CDH2: variants seen among roughly 807,000 people sequenced by gnomAD.
CDH2 encodes the protein cadherin 2, also known as cadherin-2.
Under a neutral mutation model 92.0 loss-of-function variants are expected in CDH2, and 17 were observed. The observed-to-expected ratio is 0.18, with a 90% confidence interval of 0.13 to 0.28. CDH2 has a LOEUF of 0.28. CDH2 is among the 10% of genes least tolerant of loss of function. The pLI is 1.00. For missense variants in CDH2, 862 were observed against 1,133.1 expected (o/e 0.76, Z 3.44); for synonymous variants, 419 against 415.9 (o/e 1.01, Z -0.09).
At chr18:28,055,347 G>T (rs1360077284) in intron 2 of CDH2, among the ~76,000 whole-genome samples, 1 of 152,092 alleles carries the variant, frequency 6.6e-6, no homozygotes, top group African/African-American at 2.4e-5. Context: ...TTTGGGTGGG[G>T]ACACAGCCAA....
chr18:28,009,186 T>C (rs1394838688), intron 5 of CDH2, among the ~76,000 whole-genome samples: 2 of 152,150 alleles, frequency 1.3e-5, no homozygotes, highest in African/African-American at 4.8e-5. Context: ...TGTTATACTA[T>C]GGGAAAATTA....
At chr18:28,164,589 T>C (rs2016352023) in intron 1 of CDH2, among the ~76,000 whole-genome samples, 1 of 152,002 alleles carries the variant, frequency 6.6e-6, no homozygotes, top group Non-Finnish European at 1.5e-5. Flanking sequence ...CTCTACAGGG[T>C]TGTCATCATC....
intron 2 of CDH2, among the ~76,000 whole-genome samples, chr18:28,030,620 C>A (rs559408630): frequency 6.6e-6 from 1 of 151,998 alleles, no homozygotes; most frequent in Non-Finnish European, 1.5e-5. Context: ...GAAGTTCAGC[C>A]TTTGCAGGGT....
At chr18:28,153,105 A>G (rs898799526) in intron 1 of CDH2, among the ~76,000 whole-genome samples, 5 of 152,198 alleles carry the variant, frequency 3.3e-5, no homozygotes, top group African/African-American at 4.8e-5. Flanking sequence ...GGAAGACTCC[A>G]TAGCTGAAGT....
At chr18:28,161,863 G>T (rs1340194468) in intron 1 of CDH2, among the ~76,000 whole-genome samples, 1 of 152,124 alleles carries the variant, frequency 6.6e-6, no homozygotes, top group African/African-American at 2.4e-5. Flanking sequence ...TGGGCATACA[G>T]AACCCAGGCT....
chr18:28,160,975 T>A (rs2144353323), intron 1 of CDH2, among the ~76,000 whole-genome samples: 1 of 152,318 alleles, frequency 6.6e-6, no homozygotes, highest in African/African-American at 2.4e-5. Context: ...GGTGCCTTTT[T>A]TCTCATCTAG....
At position 27,955,761 on chromosome 18, in the gene CDH2, G is replaced by GTTTTTTT. The variant is rs5823568; in HGVS notation, c.2515-3409_2515-3403dup. Among the ~76,000 whole-genome samples, 19 of 111,706 alleles carry GTTTTTTT rather than the reference G, an allele frequency of 1.7e-4. 3 individuals are homozygous for GTTTTTTT. Among genetic ancestry groups the GTTTTTTT allele is most frequent in the South Asian group, 6.7e-4 (2 of 3,000 alleles). The allele number at this position is 111,706 out of a possible 152,430, so 73.3% of individuals were successfully genotyped here. A position where few individuals can be genotyped will look rare whatever the true frequency, so the allele number is the denominator to read the frequency against. Reference sequence around the variant, plus strand: ...ACAAATCTCTGTTTTCTTTATTTCTGTTTTTTTTTTTTTTTTTTTAAAGAG... The same window carrying GTTTTTTT: ...ACAAATCTCTGTTTTCTTTATTTCTGTTTTTTTTTTTTTTTTTTTTTTTTTTAAAGAG... On this transcript the variant is annotated intron_variant, in intron 15 of 15. Transcript: ENST00000269141.
At chr18:27,943,354 C>T (rs1006182751) in intron 6 of CDH2, among the ~76,000 whole-genome samples, 1 of 152,162 alleles carries the variant, frequency 6.6e-6, no homozygotes, top group Admixed American at 6.5e-5. Flanking sequence ...AGCCACATAA[C>T]TTCTCCTAAT....
chr18:28,105,215 A>C (rs2144242045), intron 2 of CDH2, among the ~76,000 whole-genome samples: 1 of 152,290 alleles, frequency 6.6e-6, no homozygotes. Context: ...AAAGTTCATA[A>C]ATATTCCATA....
intron 2 of CDH2, among the ~76,000 whole-genome samples, chr18:28,048,985 A>G (rs984869136): frequency 1.3e-5 from 2 of 152,138 alleles, no homozygotes; most frequent in African/African-American, 4.8e-5. Flanking sequence ...TCCAGCATGA[A>G]CCTAGAGCAG....
chr18:27,966,692 T>A (rs563094377), intron 14 of CDH2, among the ~76,000 whole-genome samples: 3 of 152,224 alleles, frequency 2.0e-5, no homozygotes, highest in African/African-American at 7.2e-5. Context: ...CCTCCTAACC[T>A]GCTTCATAGA....
At chr18:27,936,788 G>A (rs1362911975) in intron 6 of CDH2, among the ~76,000 whole-genome samples, 1 of 151,930 alleles carries the variant, frequency 6.6e-6, no homozygotes, top group African/African-American at 2.4e-5. Context: ...TCCTGCCTTG[G>A]CTCCCAAAGT....
intron 2 of CDH2, among the ~76,000 whole-genome samples, chr18:28,088,878 T>C (rs17446435): frequency 0.025 from 3,763 of 152,214 alleles, 69 homozygotes; most frequent in East Asian, 0.054. Flanking sequence ...AATTCTACGC[T>C]GGGTGTCACA....
intron 4 of CDH2, among the ~76,000 whole-genome samples, chr18:28,011,014 CTTAAT>C (rs1205349893): frequency 3.3e-5 from 5 of 150,616 alleles, no homozygotes; most frequent in East Asian, 2.0e-4. Context: ...GAGACAGTAT[CTTAAT>C]TTAGAGTTAC....
At chr18:28,041,093 T>A (rs566377227) in intron 2 of CDH2, among the ~76,000 whole-genome samples, 1 of 152,206 alleles carries the variant, frequency 6.6e-6, no homozygotes, top group East Asian at 1.9e-4. Context: ...TGGGGAGGGG[T>A]CCACAATGAG....
chr18:28,176,559 T>C (rs1327218422), intron 1 of CDH2, among the ~76,000 whole-genome samples: 1 of 152,062 alleles, frequency 6.6e-6, no homozygotes, highest in East Asian at 1.9e-4. Flanking sequence ...GACCCATCCC[T>C]GCAGAAATAA....
At chr18:28,096,399 G>A (rs1443459) in intron 2 of CDH2, among the ~76,000 whole-genome samples, 122,291 of 151,188 alleles carry the variant, frequency 0.81, 49,638 homozygotes, top group Middle Eastern at 0.83. Context: ...CTGCCAAGGA[G>A]GCAAGTTCTT....
intron 14 of CDH2, among the ~76,000 whole-genome samples, chr18:27,979,170 AAGAC>A (rs1446819580): frequency 1.3e-5 from 2 of 152,184 alleles, no homozygotes; most frequent in Non-Finnish European, 2.9e-5. Context: ...CAGTAAGAAA[AAGAC>A]AGGCAACCCA....
intron 15 of CDH2, chr18:27,959,653 G>T (rs995449836): frequency 1.3e-5 from 2 of 152,140 alleles, no homozygotes; most frequent in African/African-American, 4.8e-5. Context: ...TACTGGCTTA[G>T]GCCTTCTGAC....
Sources: allele counts gnomAD v4.1 joint callset (sites outside exome capture counted in the v4.1 genomes callset), GRCh38; gene constraint gnomAD v4.1.1; transcripts MANE v1.5; gene names NCBI Gene and HGNC (gene_info 2026-07-23, HGNC 2026-07-21).